Variants in CSTPP1 observed in about 807,000 individuals in gnomAD.
CSTPP1 encodes centriolar satellite-associated tubulin polyglutamylase complex regulator 1.
the CSTPP1 span, chr11:47,160,468 G>A: frequency 1.3e-5 from 2 of 152,454 alleles, no homozygotes; most frequent in Non-Finnish European, 2.9e-5. Flanking sequence ...GACGCGTCAC[G>A]GAGGTCAGCC....
chr11:47,157,278 C>T, the CSTPP1 span: 24 of 1,492,856 alleles, frequency 1.6e-5, no homozygotes, highest in African/African-American at 1.3e-4. Flanking sequence ...CTGCTGGCTG[C>T]GGAACAGAGC....
chr11:47,038,027 T>G, the CSTPP1 span, among the ~76,000 whole-genome samples: 1 of 105,016 alleles, frequency 9.5e-6, no homozygotes, highest in Non-Finnish European at 2.2e-5. Context: ...GCAGAGGGGC[T>G]CCTCACTTCC....
At chr11:47,101,635 A>G in the CSTPP1 span, among the ~76,000 whole-genome samples, 4 of 151,980 alleles carry the variant, frequency 2.6e-5, no homozygotes, top group Admixed American at 2.6e-4. Context: ...CCTATACAGC[A>G]TTCTTTGCTG....
At chr11:47,162,485 T>A in the CSTPP1 span, among the ~76,000 whole-genome samples, 3 of 152,154 alleles carry the variant, frequency 2.0e-5, no homozygotes, top group Non-Finnish European at 4.4e-5. Context: ...CAGGTTCCCA[T>A]AACTTTAAAG....
chr11:47,138,517 A>G, the CSTPP1 span, among the ~76,000 whole-genome samples: 1 of 152,322 alleles, frequency 6.6e-6, no homozygotes, highest in South Asian at 2.1e-4. Flanking sequence ...AAGGCACATT[A>G]TATTATTTAT....
the CSTPP1 span, among the ~76,000 whole-genome samples, chr11:46,948,854 A>G: frequency 6.6e-6 from 1 of 152,222 alleles, no homozygotes; most frequent in Non-Finnish European, 1.5e-5. Flanking sequence ...AATGCGATGC[A>G]TTGAAAGATG....
At chr11:46,994,595 T>C in the CSTPP1 span, among the ~76,000 whole-genome samples, 1 of 152,252 alleles carries the variant, frequency 6.6e-6, no homozygotes, top group Non-Finnish European at 1.5e-5. Context: ...TTTGTGTATG[T>C]TGAACCAGTC....
chr11:47,152,877 C>T, the CSTPP1 span, among the ~76,000 whole-genome samples: 49 of 152,202 alleles, frequency 3.2e-4, 1 homozygote, highest in East Asian at 9.1e-3. Context: ...GCTGTTCTGT[C>T]GTAATTCACT....
the CSTPP1 span, among the ~76,000 whole-genome samples, chr11:47,140,704 GC>G: frequency 1 from 152,020 of 152,020 alleles, 76,010 homozygotes; most frequent in Non-Finnish European, 1. Flanking sequence ...CTTCTAAAGT[GC>G]CTGGGATTAC....
the CSTPP1 span, among the ~76,000 whole-genome samples, chr11:47,018,317 T>TG: frequency 2.1e-5 from 3 of 140,516 alleles, no homozygotes; most frequent in African/African-American, 8.0e-5. Context: ...TTTTTTGAGA[T>TG]GGAGTCTTAC....
chr11:47,082,020 C>T, the CSTPP1 span, among the ~76,000 whole-genome samples: 94 of 147,104 alleles, frequency 6.4e-4, 1 homozygote, highest in South Asian at 2.1e-4. Context: ...TTTTGCCATT[C>T]GTAGCAATAG....
the CSTPP1 span, among the ~76,000 whole-genome samples, chr11:46,960,588 C>T: frequency 6.6e-6 from 1 of 152,138 alleles, no homozygotes; most frequent in Non-Finnish European, 1.5e-5. Flanking sequence ...TTGCTGGGCG[C>T]GGTGGCTAAC....
the CSTPP1 span, among the ~76,000 whole-genome samples, chr11:47,156,827 AAC>A: frequency 6.6e-6 from 1 of 152,220 alleles, no homozygotes; most frequent in African/African-American, 2.4e-5. Flanking sequence ...TTTGAGCAAA[AAC>A]ACAGATTAGT....
chr11:47,060,139 C>G, the CSTPP1 span, among the ~76,000 whole-genome samples: 1 of 145,560 alleles, frequency 6.9e-6, no homozygotes, highest in Non-Finnish European at 1.5e-5. Flanking sequence ...AGAATCGAAA[C>G]TGAGAGTCAG....
At chr11:47,058,208 G>A in the CSTPP1 span, among the ~76,000 whole-genome samples, 1 of 152,070 alleles carries the variant, frequency 6.6e-6, no homozygotes, top group African/African-American at 2.4e-5. Flanking sequence ...GACACCTGTG[G>A]TCCCAGCTAC....
At chr11:47,116,118 G>C in the CSTPP1 span, among the ~76,000 whole-genome samples, 2 of 152,166 alleles carry the variant, frequency 1.3e-5, no homozygotes, top group African/African-American at 4.8e-5. Context: ...CCATGTAGTT[G>C]TGCAGTTTTG....
the CSTPP1 span, among the ~76,000 whole-genome samples, chr11:47,066,093 GTTTT>G: frequency 7.6e-5 from 3 of 39,284 alleles, 1 homozygote; most frequent in Non-Finnish European, 1.5e-4. Context: ...TGCCTTGTGG[GTTTT>G]TTTTTTTTTT....
At chr11:46,990,089 T>A in the CSTPP1 span, among the ~76,000 whole-genome samples, 1 of 152,330 alleles carries the variant, frequency 6.6e-6, no homozygotes, top group East Asian at 1.9e-4. Flanking sequence ...CTATTGTGAA[T>A]AGTGCAGCAA....
At chr11:47,155,144 T>G in the CSTPP1 span, 1 of 1,485,154 alleles carries the variant, frequency 6.7e-7, no homozygotes, top group Non-Finnish European at 9.3e-7. Context: ...TCTCCCCCAT[T>G]CTCTCTCTCA....
Sources: allele counts gnomAD v4.1 joint callset (sites outside exome capture counted in the v4.1 genomes callset), GRCh38; gene constraint gnomAD v4.1.1; transcripts MANE v1.5; gene names NCBI Gene and HGNC (gene_info 2026-07-23, HGNC 2026-07-21).